ZNF407: variants seen among roughly 807,000 people sequenced by gnomAD.
ZNF407 encodes the protein zinc finger protein 407.
A neutral mutation model predicts 131.2 loss-of-function variants in ZNF407; 17 were observed. That is an observed-to-expected ratio of 0.13 (90% CI 0.09 to 0.19). The LOEUF is 0.19. ZNF407 is among the 10% of genes least tolerant of loss of function. ZNF407 has a pLI of 1.00. For missense variants in ZNF407, 2,681 were observed against 2,830.6 expected (o/e 0.95, Z 1.20); for synonymous variants, 1,156 against 1,062.0 (o/e 1.09, Z -1.72).
chr18:74,633,052 C>T lies in ZNF407; in HGVS notation c.2033C>T (p.Ser678Leu). The change falls in exon 2 of 9, where the codon TCA becomes TTA. Residue 678 changes from serine to leucine, a missense_variant. Physicochemically the swap from Ser to Leu is moderately radical, Grantham distance 145 (BLOSUM62 -2). Coordinates refer to ENST00000299687, the MANE Select transcript of ZNF407 (RefSeq NM_017757.3). ...AACGCAAAAGAGTCTATGGATGACT[C>T]AGGAAAAGCATCTCAGGAAGAACCT... ...SENAKESMDD[S>L]GKASQEEPLK... 1.9e-6 allele frequency: 3 copies of T among 1,613,824 alleles called. No individual in the cohort carries two copies. The highest frequency in any genetic ancestry group is 2.5e-6 in the Non-Finnish European group (3 of 1,179,876).
At chr18:74,987,114 A>T (rs1459461551) in intron 8 of ZNF407, among the ~76,000 whole-genome samples, 1 of 152,214 alleles carries the variant, frequency 6.6e-6, no homozygotes. Context: ...GACAAAATAC[A>T]TTAGCTGATA....
chr18:74,717,706 G>A (rs143640668), intron 3 of ZNF407, among the ~76,000 whole-genome samples: 3 of 152,270 alleles, frequency 2.0e-5, no homozygotes, highest in Non-Finnish European at 2.9e-5. Context: ...TAAGTTGAAT[G>A]TCCCTTCTAC....
chr18:74,634,236 A>C lies in ZNF407; in HGVS notation c.3217A>C (p.Lys1073Gln). The change falls in exon 2 of 9, where the codon AAA becomes CAA. Residue 1073 changes from lysine to glutamine, a missense_variant. Transcript: ENST00000299687. ...TGCAGCAACAGAGAAGCACAAAATGAAAAGGCAGTCTTATCTCAACTCTGC... is the reference window on the plus strand; with the variant it reads ...TGCAGCAACAGAGAAGCACAAAATGCAAAGGCAGTCTTATCTCAACTCTGC... ...RHAATEKHKM[K>Q]RQSYLNSANV... 1 of 1,614,026 alleles carries C rather than the reference A, an allele frequency of 6.2e-7. No individual in the cohort carries two copies. Among genetic ancestry groups the C allele is most frequent in the Admixed American group, 1.7e-5 (1 of 60,032 alleles).
intron 8 of ZNF407, among the ~76,000 whole-genome samples, chr18:74,931,180 AC>A (rs1255259657): frequency 6.6e-6 from 1 of 152,244 alleles, no homozygotes; most frequent in Admixed American, 6.5e-5. Context: ...CTCCGAAAGA[AC>A]AAATAACAAA....
At chr18:74,772,026 A>T (rs1218470778) in intron 3 of ZNF407, among the ~76,000 whole-genome samples, 9 of 152,188 alleles carry the variant, frequency 5.9e-5, no homozygotes, top group Admixed American at 5.9e-4. Context: ...ATCTTTCATT[A>T]GGCAAGAAGT....
At chr18:74,824,795 C>CTGG (rs1377994139) in intron 4 of ZNF407, among the ~76,000 whole-genome samples, 3 of 152,190 alleles carry the variant, frequency 2.0e-5, no homozygotes, top group African/African-American at 7.2e-5. Flanking sequence ...CCAAGAAGAG[C>CTGG]TGGTACCTTT....
chr18:74,711,689 A>G (rs923406584), intron 3 of ZNF407, among the ~76,000 whole-genome samples: 2 of 152,152 alleles, frequency 1.3e-5, no homozygotes, highest in Non-Finnish European at 2.9e-5. Flanking sequence ...ATTGTTATCC[A>G]AAGTGAAGTT....
intron 1 of ZNF407, among the ~76,000 whole-genome samples, chr18:74,614,080 A>T (rs893984548): frequency 6.6e-6 from 1 of 152,222 alleles, no homozygotes; most frequent in Non-Finnish European, 1.5e-5. Context: ...TGGATCACTT[A>T]TAAAATGAGG....
At chr18:74,994,700 A>G (rs375954223) in intron 8 of ZNF407, among the ~76,000 whole-genome samples, 1 of 152,146 alleles carries the variant, frequency 6.6e-6, no homozygotes, top group African/African-American at 2.4e-5. Context: ...CACGTGTCCT[A>G]TGACCAGGAA....
At chr18:74,755,365 G>T (rs969478445) in intron 3 of ZNF407, among the ~76,000 whole-genome samples, 5 of 152,012 alleles carry the variant, frequency 3.3e-5, no homozygotes, top group Non-Finnish European at 2.9e-5. Context: ...ATATTGTTAT[G>T]TGTGAATTTG....
intron 8 of ZNF407, among the ~76,000 whole-genome samples, chr18:74,964,075 C>T (rs1444380680): frequency 6.6e-6 from 1 of 152,164 alleles, no homozygotes; most frequent in African/African-American, 2.4e-5. Context: ...CTCTATTGAC[C>T]GCGCCTATCA....
intron 8 of ZNF407, among the ~76,000 whole-genome samples, chr18:74,947,515 C>T (rs1032249283): frequency 1.3e-5 from 2 of 152,236 alleles, no homozygotes; most frequent in South Asian, 2.1e-4. Flanking sequence ...AATTTTAGGA[C>T]GTGAAAGTAA....
intron 8 of ZNF407, among the ~76,000 whole-genome samples, chr18:74,998,591 G>T: frequency 6.6e-6 from 1 of 151,178 alleles, no homozygotes; most frequent in East Asian, 2.0e-4. Context: ...AAAAACACAT[G>T]AAGAAATGCT....
At chr18:74,754,608 C>T (rs924075378) in intron 3 of ZNF407, among the ~76,000 whole-genome samples, 3 of 151,988 alleles carry the variant, frequency 2.0e-5, no homozygotes, top group Non-Finnish European at 4.4e-5. Flanking sequence ...TGTTATGTAC[C>T]CAGTAGTCAT....
intron 8 of ZNF407, among the ~76,000 whole-genome samples, chr18:75,002,242 T>C (rs901523061): frequency 1.3e-5 from 2 of 152,246 alleles, no homozygotes; most frequent in African/African-American, 4.8e-5. Flanking sequence ...ATTGAATTAA[T>C]AAATATTCTG....
In ZNF407 at chr18:74,633,042, A is replaced by G. The variant is rs749053575; in HGVS notation, c.2023A>G (p.Met675Val). 25 of 1,613,828 alleles carry G rather than the reference A, an allele frequency of 1.5e-5. No individual in the cohort carries two copies. Among genetic ancestry groups the G allele is most frequent in the South Asian group, 4.4e-5 (4 of 91,088 alleles). ...AGAATCAGAAAACGCAAAAGAGTCT[A>G]TGGATGACTCAGGAAAAGCATCTCA... is the stretch of plus-strand genomic sequence containing the variant. ...TLESENAKES[M>V]DDSGKASQEE... The change falls in exon 2 of 9, where the codon ATG (methionine) becomes GTG (valine). Residue 675 changes from methionine to valine, a missense_variant. Transcript: ENST00000299687.
intron 4 of ZNF407, among the ~76,000 whole-genome samples, chr18:74,794,600 A>G (rs899637821): frequency 1.1e-4 from 17 of 152,316 alleles, no homozygotes; most frequent in African/African-American, 3.8e-4. Context: ...ATTTTAAGAG[A>G]ATCTTTACAT....
In ZNF407 at chr18:74,832,953, G is replaced by A. The variant is rs138529037; in HGVS notation, c.4878-44244G>A. ...CTTGGATAAAGGAGAGATAAAGTAA[G>A]GAAAAGCAATAGGGCAGGAAGAAGA... On this transcript the variant is annotated intron_variant, in intron 4 of 8. Transcript: ENST00000299687. Among the ~76,000 whole-genome samples, 187 of 152,306 alleles carry A rather than the reference G, an allele frequency of 1.2e-3. 1 individual carries two copies. Among genetic ancestry groups the A allele is most frequent in the African/African-American group, 4.2e-3 (175 of 41,570 alleles).
chr18:74,677,658 G>A (rs578101563), intron 3 of ZNF407, among the ~76,000 whole-genome samples: 25 of 152,064 alleles, frequency 1.6e-4, no homozygotes, highest in East Asian at 3.9e-4. Flanking sequence ...CTTACCCTCT[G>A]TTTCTTTTCA....
Sources: gnomAD v4.1 joint callset for allele counts (sites outside exome capture counted in the v4.1 genomes callset) on GRCh38, gnomAD v4.1.1 for gene constraint, MANE v1.5 for transcripts, NCBI Gene and HGNC (gene_info 2026-07-23, HGNC 2026-07-21) for gene names.